The following ACTR3B variants were observed in gnomAD, a reference collection of about 807,000 sequenced individuals.
ACTR3B encodes actin related protein 3B.
In ACTR3B, 8 loss-of-function variants were observed where a neutral mutation model predicts 59.0. The observed-to-expected ratio is 0.14, with a 90% confidence interval of 0.08 to 0.24. ACTR3B has a LOEUF of 0.24. Among genes scored for constraint, ACTR3B ranks in the 10% least tolerant of loss-of-function variants. The pLI is 1.00. For missense variants in ACTR3B, 245 were observed against 552.3 expected (o/e 0.44, Z 5.58); for synonymous variants, 148 against 197.9 (o/e 0.75, Z 2.12).
intron 4 of ACTR3B, among the ~76,000 whole-genome samples, chr7:152,807,627 G>A (rs541109864): frequency 6.6e-6 from 1 of 152,266 alleles, no homozygotes; most frequent in Admixed American, 6.5e-5. Flanking sequence ...CGCGCAAGAG[G>A]CTTGCTTTCT....
At chr7:152,814,764 C>T in intron 5 of ACTR3B, 119 bp downstream of exon 5, 1 of 810,976 alleles carries the variant, frequency 1.2e-6, no homozygotes, top group Non-Finnish European at 2.0e-6. Context: ...TTTTTCCACT[C>T]CCTCCCCCGT....
intron 2 of ACTR3B, among the ~76,000 whole-genome samples, chr7:152,796,329 G>C (rs1173604690): frequency 6.6e-6 from 1 of 151,962 alleles, no homozygotes; most frequent in Admixed American, 6.6e-5. Flanking sequence ...GGAATTGCTG[G>C]ATAAACATAA....
intron 9 of ACTR3B, among the ~76,000 whole-genome samples, chr7:152,848,841 A>G (rs1446691977): frequency 6.6e-6 from 1 of 152,156 alleles, no homozygotes; most frequent in Admixed American, 6.5e-5. Context: ...ACCCCCCCGT[A>G]GCTGCAGCTG....
intron 1 of ACTR3B, among the ~76,000 whole-genome samples, chr7:152,762,727 G>A (rs1479871214): frequency 6.6e-6 from 1 of 152,208 alleles, no homozygotes; most frequent in East Asian, 1.9e-4. Flanking sequence ...TCTGGTGGGT[G>A]TCATGTCTTT....
intron 2 of ACTR3B, among the ~76,000 whole-genome samples, chr7:152,793,652 A>T: frequency 6.9e-6 from 1 of 144,142 alleles, no homozygotes; most frequent in Non-Finnish European, 1.5e-5. Context: ...CTTGTTTGAT[A>T]ATTATAATGT....
At chr7:152,771,279 C>T (rs1296479125) in intron 1 of ACTR3B, among the ~76,000 whole-genome samples, 6 of 152,096 alleles carry the variant, frequency 3.9e-5, no homozygotes, top group African/African-American at 1.4e-4. Flanking sequence ...GATAAAGCCA[C>T]TTTGCTCTTA....
intron 9 of ACTR3B, among the ~76,000 whole-genome samples, chr7:152,845,460 G>A (rs1359177765): frequency 6.6e-6 from 1 of 152,244 alleles, no homozygotes; most frequent in African/African-American, 2.4e-5. Flanking sequence ...CCACGCTGAT[G>A]GTGCCCATGC....
intron 1 of ACTR3B, among the ~76,000 whole-genome samples, chr7:152,767,781 A>G (rs1341967150): frequency 6.6e-6 from 1 of 151,936 alleles, no homozygotes; most frequent in African/African-American, 2.4e-5. Flanking sequence ...TTTCTTGAAT[A>G]TATGAAGATT....
intron 1 of ACTR3B, among the ~76,000 whole-genome samples, chr7:152,779,577 A>G (rs979808668): frequency 2.0e-5 from 3 of 152,080 alleles, no homozygotes; most frequent in Non-Finnish European, 2.9e-5. Context: ...TTTTTGGTAA[A>G]TGGTGTCTTG....
chr7:152,788,065 C>T (rs527973220), intron 2 of ACTR3B, among the ~76,000 whole-genome samples: 5 of 152,002 alleles, frequency 3.3e-5, no homozygotes, highest in East Asian at 1.9e-4. Flanking sequence ...GCTGGAATTA[C>T]AGGCACCCAC....
intron 9 of ACTR3B, among the ~76,000 whole-genome samples, chr7:152,843,917 T>A (rs1317090294): frequency 6.6e-6 from 1 of 152,208 alleles, no homozygotes; most frequent in Admixed American, 6.5e-5. Context: ...TGCTCCCCGC[T>A]CCTAGATGTG....
chr7:152,791,771 CT>C (rs1453579994), intron 2 of ACTR3B, among the ~76,000 whole-genome samples: 3 of 152,206 alleles, frequency 2.0e-5, no homozygotes, highest in Non-Finnish European at 2.9e-5. Flanking sequence ...AACCACTACT[CT>C]GTTTTCATCT....
intron 1 of ACTR3B, 34 bp downstream of exon 1, chr7:152,759,960 C>T (rs1283339002): frequency 9.0e-6 from 12 of 1,335,070 alleles, no homozygotes; most frequent in Non-Finnish European, 1.2e-5. Context: ...CCCGCTCCTC[C>T]GCGGCCCCGC....
At chr7:152,795,698 A>ACCAGTAGCTCTACCAT in intron 2 of ACTR3B, among the ~76,000 whole-genome samples, 1 of 152,346 alleles carries the variant, frequency 6.6e-6, no homozygotes, top group Admixed American at 6.5e-5. Context: ...AGCAAAAGTC[A>ACCAGTAGCTCTACCAT]CCAGTAGCTC....
intron 4 of ACTR3B, among the ~76,000 whole-genome samples, chr7:152,807,158 C>T (rs1053546871): frequency 2.2e-4 from 34 of 152,142 alleles, no homozygotes; most frequent in African/African-American, 7.7e-4. Context: ...AGCCATAACT[C>T]GGAGTTTAAC....
At chr7:152,821,486 G>A (rs75369499) in intron 7 of ACTR3B, among the ~76,000 whole-genome samples, 1 of 150,008 alleles carries the variant, frequency 6.7e-6, no homozygotes, top group Non-Finnish European at 1.5e-5. Context: ...AAAAAAAAAA[G>A]AATTGAGCCT....
intron 9 of ACTR3B, among the ~76,000 whole-genome samples, chr7:152,847,574 G>A (rs919645350): frequency 3.3e-5 from 5 of 152,148 alleles, no homozygotes; most frequent in Non-Finnish European, 7.3e-5. Flanking sequence ...ATTTGAAACA[G>A]GCAGGAAAGT....
At chr7:152,784,711 C>T (rs193156595) in intron 2 of ACTR3B, among the ~76,000 whole-genome samples, 229 of 152,302 alleles carry the variant, frequency 1.5e-3, no homozygotes, top group Middle Eastern at 6.8e-3. Flanking sequence ...CCTCTCTCCA[C>T]GGCCTGCAGA....
rs766247678 is a variant in ACTR3B, at chr7:152,854,454, G to A, written c.1162-4G>A. On this transcript the variant is annotated splice_region_variant and splice_polypyrimidine_tract_variant and intron_variant, in intron 11 of 11. Transcript: ENST00000256001. The surrounding 1 kb of genome is among the most constrained non-coding windows in gnomAD (Gnocchi z 4.9). ...TCTTTCTGTCTGCCTGTTGCCTCTC[G>A]TAGCCCGAGTTCTTTCAGGTCTGCC... The A allele has an allele frequency of 8.1e-6, 13 of 1,613,846 alleles. No homozygotes were observed. The highest frequency in any genetic ancestry group is 2.2e-5 in the East Asian group (1 of 44,876).
Sources: allele counts gnomAD v4.1 joint callset (sites outside exome capture counted in the v4.1 genomes callset), GRCh38; gene constraint gnomAD v4.1.1; non-coding constraint Gnocchi (gnomAD v3.1); transcripts MANE v1.5; gene names NCBI Gene and HGNC (gene_info 2026-07-23, HGNC 2026-07-21).